DCC: variants seen among roughly 807,000 people sequenced by gnomAD.
DCC encodes the protein DCC netrin 1 receptor, also known as netrin receptor DCC.
In DCC, 58 loss-of-function variants were observed where a neutral mutation model predicts 172.5. That is an observed-to-expected ratio of 0.34 (90% CI 0.27 to 0.42). The LOEUF (loss-of-function observed/expected upper bound fraction) is 0.42. DCC is among the 10% of genes least tolerant of loss of function. DCC has a pLI of 1.00. For missense variants in DCC, 1,740 were observed against 1,791.0 expected (o/e 0.97, Z 0.51); for synonymous variants, 709 against 644.5 (o/e 1.10, Z -1.52).
chr18:53,245,997 C>G (rs1396955207), intron 12 of DCC, among the ~76,000 whole-genome samples: 1 of 152,030 alleles, frequency 6.6e-6, no homozygotes, highest in African/African-American at 2.4e-5. Flanking sequence ...AGCTGTCATG[C>G]TTTCTCAGGT....
intron 7 of DCC, among the ~76,000 whole-genome samples, chr18:53,087,252 C>A (rs1487855329): frequency 6.6e-6 from 1 of 151,792 alleles, no homozygotes; most frequent in Non-Finnish European, 1.5e-5. Flanking sequence ...TCCACATCCT[C>A]TCCAGCACCT....
intron 9 of DCC, 43 bp from the exon 10 acceptor site, chr18:53,205,173 T>C: frequency 1.9e-6 from 3 of 1,541,640 alleles, no homozygotes; most frequent in East Asian, 2.2e-5. Context: ...AACCCACTTA[T>C]CCTAATCACT....
chr18:53,110,894 A>G (rs1274983003), intron 7 of DCC, among the ~76,000 whole-genome samples: 2 of 124,516 alleles, frequency 1.6e-5, no homozygotes, highest in African/African-American at 3.2e-5. Flanking sequence ...CCATCCCATT[A>G]CTGGGTATAT....
At chr18:53,052,527 A>G (rs1473145905) in intron 5 of DCC, among the ~76,000 whole-genome samples, 1 of 152,028 alleles carries the variant, frequency 6.6e-6, no homozygotes, top group East Asian at 1.9e-4. Flanking sequence ...CTAATGTAGT[A>G]TAGGTTACTT....
intron 18 of DCC, 59 bp from the exon 19 acceptor site, chr18:53,402,724 CCAA>C (rs1265074182): frequency 1.8e-5 from 21 of 1,166,330 alleles, no homozygotes; most frequent in Non-Finnish European, 2.4e-5. Flanking sequence ...GATGAAATTT[CCAA>C]CAATGTTTAT....
At chr18:52,347,677 A>G (rs1010970496) in intron 1 of DCC, among the ~76,000 whole-genome samples, 1 of 152,148 alleles carries the variant, frequency 6.6e-6, no homozygotes, top group East Asian at 1.9e-4. Flanking sequence ...AGGAGATTAG[A>G]AAACAGCACC....
chr18:52,392,176 GC>G (rs1445111472), intron 1 of DCC, among the ~76,000 whole-genome samples: 2 of 152,158 alleles, frequency 1.3e-5, no homozygotes, highest in Non-Finnish European at 2.9e-5. Context: ...GTGGCTGGTA[GC>G]AGATGAATAG....
chr18:53,220,114 ATGGGG>A (rs2055909406), intron 12 of DCC, among the ~76,000 whole-genome samples: 1 of 152,014 alleles, frequency 6.6e-6, no homozygotes, highest in Non-Finnish European at 1.5e-5. Context: ...AAGGGAGGAG[ATGGGG>A]AAAAGCTGGA....
At chr18:53,487,241 T>C (rs1262762515) in intron 26 of DCC, among the ~76,000 whole-genome samples, 1 of 152,206 alleles carries the variant, frequency 6.6e-6, no homozygotes, top group Non-Finnish European at 1.5e-5. Flanking sequence ...GATGGGTACT[T>C]GAAATTAATA....
At chr18:52,979,748 A>T (rs1389618126) in intron 5 of DCC, among the ~76,000 whole-genome samples, 1 of 152,230 alleles carries the variant, frequency 6.6e-6, no homozygotes, top group Non-Finnish European at 1.5e-5. Context: ...TGGGTAACAT[A>T]TCCAGTCAGA....
At chr18:52,409,018 A>G (rs1380210532) in intron 1 of DCC, 1 of 152,138 alleles carries the variant, frequency 6.6e-6, no homozygotes, top group Non-Finnish European at 1.5e-5. Context: ...ATATACCCCT[A>G]CAGACAATCC....
At chr18:52,834,759 T>A (rs2038674808) in intron 2 of DCC, among the ~76,000 whole-genome samples, 1 of 152,198 alleles carries the variant, frequency 6.6e-6, no homozygotes, top group South Asian at 2.1e-4. Flanking sequence ...TTTTTAATTC[T>A]CTGTGGTCTT....
At chr18:52,382,878 C>T (rs1196321197) in intron 1 of DCC, among the ~76,000 whole-genome samples, 1 of 152,066 alleles carries the variant, frequency 6.6e-6, no homozygotes, top group African/African-American at 2.4e-5. Flanking sequence ...GTCACTTTTA[C>T]TTCTAAGACT....
chr18:53,176,889 T>C (rs1198492783), intron 8 of DCC, among the ~76,000 whole-genome samples: 3 of 151,242 alleles, frequency 2.0e-5, no homozygotes, highest in African/African-American at 4.9e-5. Flanking sequence ...CGTATGTTTA[T>C]TGCGGCATTA....
At chr18:53,048,637 GAT>G (rs201525949) in intron 5 of DCC, among the ~76,000 whole-genome samples, 25 of 149,734 alleles carry the variant, frequency 1.7e-4, no homozygotes, top group Non-Finnish European at 3.0e-4. Flanking sequence ...AAGAAAATGT[GAT>G]ATATATATAC....
intron 2 of DCC, among the ~76,000 whole-genome samples, chr18:52,835,565 A>G (rs2038690151): frequency 6.6e-6 from 1 of 152,232 alleles, no homozygotes; most frequent in Non-Finnish European, 1.5e-5. Context: ...TTTCAGGTCT[A>G]TAATTTTGAC....
At chr18:52,652,541 A>G (rs1365691977) in intron 1 of DCC, among the ~76,000 whole-genome samples, 1 of 152,202 alleles carries the variant, frequency 6.6e-6, no homozygotes, top group African/African-American at 2.4e-5. Context: ...AACATGGGAC[A>G]GTAGAACAAA....
chr18:53,054,991 A>G (rs538268161), intron 5 of DCC, among the ~76,000 whole-genome samples: 1 of 152,234 alleles, frequency 6.6e-6, no homozygotes, highest in African/African-American at 2.4e-5. Context: ...GAATCCCCTT[A>G]TATCTTAAAT....
chr18:53,477,333 T>C (rs965071818), intron 25 of DCC, among the ~76,000 whole-genome samples: 1 of 152,184 alleles, frequency 6.6e-6, no homozygotes, highest in Non-Finnish European at 1.5e-5. Flanking sequence ...AACTTTTTGA[T>C]AAAATAGCCC....
Sources: allele counts gnomAD v4.1 joint callset (sites outside exome capture counted in the v4.1 genomes callset), GRCh38; gene constraint gnomAD v4.1.1; transcripts MANE v1.5; gene names NCBI Gene and HGNC (gene_info 2026-07-23, HGNC 2026-07-21).